The following RERE variants were observed in gnomAD, a reference collection of about 807,000 sequenced individuals.
RERE encodes the protein arginine-glutamic acid dipeptide repeats, also known as arginine-glutamic acid dipeptide repeats protein.
RERE carries 40 observed loss-of-function variants against 146.1 expected under a neutral mutation model. The ratio of observed to expected loss-of-function variants is 0.27; its 90% CI spans 0.21 to 0.36. The LOEUF (loss-of-function observed/expected upper bound fraction) is 0.36. RERE is among the 10% of genes least tolerant of loss of function. The probability of loss-of-function intolerance (pLI) is 1.00; values close to 1 mark genes in which losing one functional copy is unlikely to be tolerated. For missense variants in RERE, 1,933 were observed against 2,138.7 expected (o/e 0.90, Z 1.90); for synonymous variants, 1,003 against 866.0 (o/e 1.16, Z -2.78).
chr1:8,723,636 C>T (rs1639904098), intron 1 of RERE, among the ~76,000 whole-genome samples: 1 of 152,100 alleles, frequency 6.6e-6, no homozygotes, highest in African/African-American at 2.4e-5. Context: ...TCAAATTAAG[C>T]AAGTGCTTAA....
At chr1:8,571,618 C>T (rs1038066689) in intron 4 of RERE, among the ~76,000 whole-genome samples, 1 of 152,204 alleles carries the variant, frequency 6.6e-6, no homozygotes, top group Non-Finnish European at 1.5e-5. Context: ...TCTTAAATAT[C>T]TTAATTATTT....
chr1:8,721,266 G>A (rs1639858671), intron 1 of RERE, among the ~76,000 whole-genome samples: 1 of 152,116 alleles, frequency 6.6e-6, no homozygotes, highest in African/African-American at 2.4e-5. Context: ...CTCAGGAAAT[G>A]GAAGAGTTGA....
chr1:8,534,769 A>T (rs1488430656), intron 7 of RERE, among the ~76,000 whole-genome samples: 2 of 152,248 alleles, frequency 1.3e-5, no homozygotes, highest in African/African-American at 2.4e-5. Context: ...AAAGGGAAAA[A>T]GAGACACCGT....
At chr1:8,392,070 C>G (rs187386131) in intron 12 of RERE, among the ~76,000 whole-genome samples, 3 of 152,208 alleles carry the variant, frequency 2.0e-5, no homozygotes. Context: ...GGGAACATGT[C>G]TTTTGTTTAT....
chr1:8,593,620 C>T (rs1435384961), intron 4 of RERE, among the ~76,000 whole-genome samples: 1 of 152,224 alleles, frequency 6.6e-6, no homozygotes, highest in Admixed American at 6.5e-5. Flanking sequence ...AGCATGAGAA[C>T]AGACTAATAC....
intron 4 of RERE, among the ~76,000 whole-genome samples, chr1:8,566,449 G>A (rs761300689): frequency 8.6e-5 from 13 of 151,820 alleles, no homozygotes; most frequent in African/African-American, 1.2e-4. Context: ...ATGAAACCCC[G>A]TCTCTACTAA....
chr1:8,618,725 C>T (rs1817367), intron 3 of RERE, among the ~76,000 whole-genome samples: 131,732 of 152,240 alleles, frequency 0.87, 57,488 homozygotes, highest in African/African-American at 0.97. Flanking sequence ...TAAGTCGCTA[C>T]CTGATGATAT....
chr1:8,783,058 G>C (rs1158190499), intron 1 of RERE, among the ~76,000 whole-genome samples: 1 of 152,136 alleles, frequency 6.6e-6, no homozygotes, highest in Non-Finnish European at 1.5e-5. Context: ...CAGAGACCAG[G>C]CATGGTGGTT....
At chr1:8,697,758 A>C (rs1639366067) in intron 1 of RERE, among the ~76,000 whole-genome samples, 1 of 152,200 alleles carries the variant, frequency 6.6e-6, no homozygotes, top group Non-Finnish European at 1.5e-5. Context: ...CATGTAACTT[A>C]TGCAAGCCAT....
intron 7 of RERE, chr1:8,511,778 T>C (rs1424954134): frequency 1.3e-5 from 2 of 150,754 alleles, no homozygotes; most frequent in Admixed American, 6.6e-5. Context: ...TTTTTCTTTT[T>C]CTTTTTTTTT....
chr1:8,531,238 T>A (rs568940991), intron 7 of RERE, among the ~76,000 whole-genome samples: 5 of 151,682 alleles, frequency 3.3e-5, no homozygotes, highest in Non-Finnish European at 7.4e-5. Flanking sequence ...AGGTCAGGAG[T>A]TTGAGACCAG....
intron 1 of RERE, among the ~76,000 whole-genome samples, chr1:8,692,472 G>A (rs566203440): frequency 6.6e-6 from 1 of 151,640 alleles, no homozygotes; most frequent in Non-Finnish European, 1.5e-5. Context: ...CCAGACTCCC[G>A]AGTAGCTGCG....
chr1:8,614,672 C>T lies in RERE; in HGVS notation c.411G>A (p.Gln137=). ...CAGGAGTTGGAGATCTGCAACAGGCCTGGGAGTTGTGGACCTAAAAAAGAA... is the reference window on the plus strand; with the variant it reads ...CAGGAGTTGGAGATCTGCAACAGGCTTGGGAGTTGTGGACCTAAAAAAGAA... ...IQDFKLVHNS[Q]ACCRSPTPAL... Residue 137 remains glutamine (Q), a synonymous_variant, in exon 4 of 23, where the codon CAG becomes CAA. Coordinates refer to ENST00000400908, the MANE Select transcript of RERE (RefSeq NM_001042681.2). 4 of 1,609,872 alleles carry T rather than the reference C, an allele frequency of 2.5e-6. No individual in the cohort carries two copies. The highest frequency in any genetic ancestry group is 2.5e-6 in the Non-Finnish European group (3 of 1,178,092).
At chr1:8,404,071 C>T (rs1242441761) in intron 12 of RERE, among the ~76,000 whole-genome samples, 2 of 151,846 alleles carry the variant, frequency 1.3e-5, no homozygotes, top group Non-Finnish European at 2.9e-5. Flanking sequence ...CTTCGTGATC[C>T]GCCCGCCTCG....
chr1:8,513,542 G>A (rs1645370724), intron 7 of RERE, among the ~76,000 whole-genome samples: 2 of 152,188 alleles, frequency 1.3e-5, no homozygotes. Context: ...ACTCTGGGGG[G>A]CCGAGGTGGG....
chr1:8,361,202 A>G lies in RERE; in HGVS notation c.2305T>C (p.Ser769Pro). 1 of 1,493,108 alleles carries G rather than the reference A, an allele frequency of 6.7e-7. No individual in the cohort carries two copies. The highest frequency in any genetic ancestry group is 8.9e-7 in the Non-Finnish European group (1 of 1,127,962). The allele number at this position is 1,493,108 out of a possible 1,614,324, so 92.5% of individuals were successfully genotyped here. The change falls in exon 18 of 23, where the codon TCT (serine) becomes CCT (proline). Residue 769 changes from serine to proline, a missense_variant. Coordinates refer to ENST00000400908, the MANE Select transcript of RERE (RefSeq NM_001042681.2). ...PQLPTPGPTPSATAVPPQGSP... is the reference protein window; with the variant it reads ...PQLPTPGPTPPATAVPPQGSP... ...CCCTGTGGGGGAACTGCAGTGGCAG[A>G]GGGCGTGGGCCCTGGCGTGGGCAGC...
intron 4 of RERE, among the ~76,000 whole-genome samples, chr1:8,571,844 G>A (rs578245058): frequency 6.6e-6 from 1 of 152,256 alleles, no homozygotes; most frequent in African/African-American, 2.4e-5. Flanking sequence ...CCAAATAATC[G>A]ATCAGTGTAT....
chr1:8,701,566 C>G (rs189932619), intron 1 of RERE, among the ~76,000 whole-genome samples: 1 of 152,238 alleles, frequency 6.6e-6, no homozygotes, highest in East Asian at 1.9e-4. Flanking sequence ...TGTTATTGAA[C>G]ACTTCTCGCA....
chr1:8,795,256 CTT>C (rs1393939340), intron 1 of RERE, among the ~76,000 whole-genome samples: 1 of 151,682 alleles, frequency 6.6e-6, no homozygotes, highest in African/African-American at 2.4e-5. Context: ...GAACTCCTGA[CTT>C]TGTGACCTGC....
Sources: allele counts gnomAD v4.1 joint callset (sites outside exome capture counted in the v4.1 genomes callset), GRCh38; gene constraint gnomAD v4.1.1; transcripts MANE v1.5; gene names NCBI Gene and HGNC (gene_info 2026-07-23, HGNC 2026-07-21).